Variants in UNC79 observed in about 807,000 individuals in gnomAD.
UNC79 encodes the protein unc-79 subunit of NALCN channel complex.
A neutral mutation model predicts 283.1 loss-of-function variants in UNC79; 37 were observed. The observed-to-expected ratio is 0.13, with a 90% CI of 0.10 to 0.17. The LOEUF (loss-of-function observed/expected upper bound fraction) is 0.17, where lower values mean the gene tolerates loss of function less well. Among genes scored for constraint, UNC79 ranks in the 10% least tolerant of loss-of-function variants. The probability of loss-of-function intolerance (pLI) is 1.00; values close to 1 mark genes in which losing one functional copy is unlikely to be tolerated. For missense variants in UNC79, 2,272 were observed against 3,211.1 expected (o/e 0.71, Z 7.07); for synonymous variants, 1,107 against 1,200.2 (o/e 0.92, Z 1.61).
At chr14:93,360,131 G>T (rs1206645347) in intron 1 of UNC79, among the ~76,000 whole-genome samples, 2 of 152,140 alleles carry the variant, frequency 1.3e-5, no homozygotes, top group African/African-American at 2.4e-5. Flanking sequence ...CATTTCCCCA[G>T]TGCTAGAATG....
At chr14:93,353,820 GAAAA>G (rs2054026443) in intron 1 of UNC79, among the ~76,000 whole-genome samples, 4 of 152,134 alleles carry the variant, frequency 2.6e-5, no homozygotes, top group Admixed American at 1.3e-4. Flanking sequence ...GAACCAAAAA[GAAAA>G]AGTCAGTGCC....
At chr14:93,613,853 C>T (rs1238467063) in intron 27 of UNC79, among the ~76,000 whole-genome samples, 1 of 152,032 alleles carries the variant, frequency 6.6e-6, no homozygotes, top group African/African-American at 2.4e-5. Context: ...ATGAAGAAAT[C>T]TTTCCAGTTA....
intron 12 of UNC79, among the ~76,000 whole-genome samples, 180 bp from the exon 13 acceptor site, chr14:93,540,480 A>T (rs988743120): frequency 6.6e-6 from 1 of 152,208 alleles, no homozygotes; most frequent in Non-Finnish European, 1.5e-5. Flanking sequence ...AGAAAATAGA[A>T]TGAGGCATCC....
At chr14:93,487,677 A>G in exon 5 of UNC79, 2 of 1,613,886 alleles carry the variant, frequency 1.2e-6, no homozygotes, top group Non-Finnish European at 1.7e-6. Flanking sequence ...CTCCTCAAGG[A>G]GAGAAGGTGT....
chr14:93,585,974 C>T (rs1595957586), intron 20 of UNC79, among the ~76,000 whole-genome samples: 2 of 151,834 alleles, frequency 1.3e-5, no homozygotes, highest in East Asian at 1.9e-4. Flanking sequence ...CTCCACCCTC[C>T]CAGGTTCAAG....
intron 1 of UNC79, among the ~76,000 whole-genome samples, chr14:93,431,403 G>T (rs1319987852): frequency 1.6e-4 from 25 of 151,938 alleles, no homozygotes; most frequent in Admixed American, 1.5e-3. Flanking sequence ...GTGGGGGAAG[G>T]GGGGTAGCGG....
Position 93,440,368 on chromosome 14 carries a change from G to A in UNC79, c.22+9317G>A, listed in dbSNP as rs188898886. ...GGGTTAGTGGTTTGTCTATTTTGTCGATTTCTTTTTCAAGAAACCAGTTAT... is the reference window on the plus strand; with the variant it reads ...GGGTTAGTGGTTTGTCTATTTTGTCAATTTCTTTTTCAAGAAACCAGTTAT... On this transcript the variant is annotated intron_variant, in intron 1 of 48. Coordinates refer to ENST00000555664, the Ensembl canonical transcript of UNC79. Among the ~76,000 whole-genome samples, 1,363 of 151,898 alleles carry A rather than the reference G, an allele frequency of 9.0e-3. 21 individuals are homozygous for A. Among genetic ancestry groups the A allele is most frequent in the African/African-American group, 0.029 (1,222 of 41,444 alleles).
At chr14:93,540,538 C>A in intron 12 of UNC79, 122 bp from the exon 13 acceptor site, 1 of 1,067,510 alleles carries the variant, frequency 9.4e-7, no homozygotes, top group Non-Finnish European at 1.3e-6. Flanking sequence ...TAACACAGTA[C>A]TCAATTTAAA....
rs2055553936 is a variant in UNC79 at position 93,419,862 on chromosome 14, C to G, written c.-350-47809C>G. Reference sequence around the variant, plus strand: ...GACGATTGCTTGAGGCCAGAAGTTCCAGACCAGCTTGGGCAACATAGTGAG... The same window carrying G: ...GACGATTGCTTGAGGCCAGAAGTTCGAGACCAGCTTGGGCAACATAGTGAG... On this transcript the variant is annotated intron_variant, in intron 1 of 49. Coordinates refer to the UNC79 transcript ENST00000256339. Among the ~76,000 whole-genome samples the G allele has an allele frequency of 2.0e-5, 3 of 151,336 alleles. 1 individual carries two copies. Among genetic ancestry groups the G allele is most frequent in the Non-Finnish European group, 4.4e-5 (3 of 67,754 alleles).
At chr14:93,404,493 A>AAAAAAAAAAAAAAAATATAT in intron 1 of UNC79, among the ~76,000 whole-genome samples, 2 of 61,510 alleles carry the variant, frequency 3.3e-5, no homozygotes, top group Admixed American at 2.4e-4. Flanking sequence ...TTCTAAAAAA[A>AAAAAAAAAAAAAAAATATAT]ATATATATAT....
At chr14:93,356,815 A>G (rs2054094917) in intron 1 of UNC79, among the ~76,000 whole-genome samples, 1 of 152,192 alleles carries the variant, frequency 6.6e-6, no homozygotes, top group African/African-American at 2.4e-5. Flanking sequence ...TATAAGGTGA[A>G]TGGAGAATTT....
intron 14 of UNC79, among the ~76,000 whole-genome samples, chr14:93,550,533 A>AGAAAAGG (rs3060650): frequency 8.2e-6 from 1 of 122,574 alleles, no homozygotes; most frequent in Non-Finnish European, 1.6e-5. Flanking sequence ...AAAAAAAAAA[A>AGAAAAGG]AAAAAAAAGA....
intron 1 of UNC79, among the ~76,000 whole-genome samples, chr14:93,400,302 G>T (rs984862792): frequency 6.6e-6 from 1 of 151,364 alleles, no homozygotes; most frequent in Non-Finnish European, 1.5e-5. Flanking sequence ...GCAGAGTCAA[G>T]AAATGAATAA....
chr14:93,622,910 G>A (rs1037774636), intron 30 of UNC79, 69 bp downstream of exon 32: 13 of 1,546,560 alleles, frequency 8.4e-6, no homozygotes, highest in East Asian at 2.2e-5. Flanking sequence ...ATAGGGTACC[G>A]GCACTGAATA....
chr14:93,575,341 TA>T (rs1170494826), intron 17 of UNC79, 143 bp downstream of exon 17: 1 of 898,856 alleles, frequency 1.1e-6, no homozygotes, highest in East Asian at 2.7e-5. Flanking sequence ...TTAAGTGCAT[TA>T]AATAGTCACA....
intron 40 of UNC79, among the ~76,000 whole-genome samples, chr14:93,668,491 G>A (rs145410652): frequency 1.0e-3 from 154 of 152,076 alleles, no homozygotes; most frequent in Non-Finnish European, 1.7e-3. Flanking sequence ...TGGGAAGATC[G>A]CTTGAGCCCA....
At position 93,597,346 on chromosome 14, in the gene UNC79, T is replaced by C; in HGVS notation, c.3191-13T>C. On this transcript the variant is annotated splice_polypyrimidine_tract_variant and intron_variant, in intron 23 of 48. Transcript: ENST00000555664. ...GTGTATTTACGTATTTTGCCTTCTC[T>C]TTTACATTGCAGTGGAAAAAGTTGC... The C allele has an allele frequency of 6.2e-7, 1 of 1,613,340 alleles. No individual in the cohort carries two copies. The highest frequency in any genetic ancestry group is 8.5e-7 in the Non-Finnish European group (1 of 1,179,536).
intron 4 of UNC79, among the ~76,000 whole-genome samples, chr14:93,486,704 T>C (rs955844779): frequency 1.3e-4 from 20 of 148,858 alleles, no homozygotes; most frequent in African/African-American, 5.0e-4. Context: ...TGGGAGACCA[T>C]GTATTTCCCC....
exon 33 of UNC79, chr14:93,641,221 C>T (rs76866418): frequency 1.1e-4 from 184 of 1,613,312 alleles, no homozygotes; most frequent in Middle Eastern, 1.6e-4. Context: ...AGTTCACTGA[C>T]GAGCAGCCGA....
Sources: allele counts gnomAD v4.1 joint callset (sites outside exome capture counted in the v4.1 genomes callset), GRCh38; gene constraint gnomAD v4.1.1; transcripts MANE v1.5; gene names NCBI Gene and HGNC (gene_info 2026-07-23, HGNC 2026-07-21).